The following ZBTB46 variants were observed in gnomAD, a reference collection of about 807,000 sequenced individuals.
The protein encoded by ZBTB46 is zinc finger and BTB domain containing 46.
ZBTB46 carries 8 observed loss-of-function variants against 44.1 expected under a neutral mutation model. The observed-to-expected ratio is 0.18, with a 90% CI of 0.11 to 0.33. The LOEUF is 0.33. ZBTB46 is among the 10% of genes least tolerant of loss of function. ZBTB46 has a pLI of 1.00. For missense variants in ZBTB46, 651 were observed against 847.7 expected (o/e 0.77, Z 2.88); for synonymous variants, 409 against 382.3 (o/e 1.07, Z -0.81).
chr20:63,744,155 G>A lies in ZBTB46; in HGVS notation c.*2775C>T, dbSNP rs41304832. 0.013 allele frequency: 2,033 copies of A among 152,220 alleles called. 44 individuals carry two copies. Among genetic ancestry groups the A allele is most frequent in the South Asian group, 0.089 (428 of 4,810 alleles). The allele number at this position is 152,220 out of a possible 1,614,324, so 9.4% of individuals were successfully genotyped here. ...ATTAAGTATGGCTTTCTTAAGAGTC[G>A]CACATGTCACAGAATGAGCTAAAAT... On this transcript the variant is annotated 3_prime_UTR_variant, in exon 5 of 5. Transcript: ENST00000245663.
rs774387575 is a variant in ZBTB46 at position 63,803,937 on chromosome 20, G to A, written c.-33-13147C>T. On this transcript the variant is annotated intron_variant, in intron 1 of 4. Coordinates refer to ENST00000245663, the MANE Select transcript of ZBTB46 (RefSeq NM_001369741.1). This position sits in a 1 kb window ranked among gnomAD's most constrained non-coding sequence, Gnocchi z 4.0. ...CCAGGTTGGTCTTGAATTCCTAAAC[G>A]AACCTGCCGCCCTGGCTTCTCAAAG... Among the ~76,000 whole-genome samples the A allele has an allele frequency of 2.0e-5, 3 of 152,076 alleles. No individual in the cohort carries two copies. Among genetic ancestry groups the A allele is most frequent in the African/African-American group, 4.8e-5 (2 of 41,402 alleles).
At chr20:63,778,750 T>G (rs1219236848) in intron 2 of ZBTB46, among the ~76,000 whole-genome samples, 1 of 152,224 alleles carries the variant, frequency 6.6e-6, no homozygotes, top group East Asian at 1.9e-4. Flanking sequence ...TTTATATTTT[T>G]TTACAAATCC....
In ZBTB46 at chr20:63,745,831, A is replaced by T. The variant is rs1170392066; in HGVS notation, c.*1099T>A. On this transcript the variant is annotated 3_prime_UTR_variant, in exon 5 of 5. Transcript: ENST00000245663. Reference sequence around the variant, plus strand: ...CTTTGCTTTTCACTCAGGAAAAGAAAGAACATGTGAGTGCTTCTGAAAACA... The same window carrying T: ...CTTTGCTTTTCACTCAGGAAAAGAATGAACATGTGAGTGCTTCTGAAAACA... 6.6e-6 allele frequency: 1 copy of T among 152,432 alleles called. No homozygotes were observed. Among genetic ancestry groups the T allele is most frequent in the African/African-American group, 2.4e-5 (1 of 41,472 alleles). The allele number at this position is 152,432 out of a possible 1,614,324, so 9.4% of individuals were successfully genotyped here.
At chr20:63,801,581 G>A (rs1056240333) in intron 1 of ZBTB46, among the ~76,000 whole-genome samples, 4 of 152,130 alleles carry the variant, frequency 2.6e-5, no homozygotes, top group African/African-American at 7.2e-5. Context: ...TCTTGCTGCT[G>A]CTCACTCTTT....
chr20:63,810,879 C>T (rs574827064), intron 1 of ZBTB46, among the ~76,000 whole-genome samples: 3 of 152,372 alleles, frequency 2.0e-5, no homozygotes, highest in African/African-American at 4.8e-5. Flanking sequence ...GAGCAATCTA[C>T]GTTTCTCTTT....
intron 2 of ZBTB46, 93 bp from the exon 3 acceptor site, chr20:63,776,055 T>TTC: frequency 7.0e-7 from 1 of 1,429,246 alleles, no homozygotes; most frequent in South Asian, 1.5e-5. Flanking sequence ...AGCGACCAGC[T>TTC]TCTGCCTGAG....
At chr20:63,779,231 TAA>T (rs1230154849) in intron 2 of ZBTB46, among the ~76,000 whole-genome samples, 39 of 32,278 alleles carry the variant, frequency 1.2e-3, no homozygotes, top group Middle Eastern at 0.013. Flanking sequence ...TTTATTTAAT[TAA>T]TTAATTAATT....
rs1275215319 is a variant in ZBTB46, at chr20:63,775,488, AG to A, written c.1222+189del. 9 of 673,982 alleles carry A rather than the reference AG, an allele frequency of 1.3e-5. No individual in the cohort carries two copies. The East Asian group carries it at 1.8e-4, about 14-fold the overall frequency. The allele number at this position is 673,982 out of a possible 1,614,324, so 41.8% of individuals were successfully genotyped here. On this transcript the variant is annotated intron_variant, in intron 3 of 4. Coordinates refer to ENST00000245663, the MANE Select transcript of ZBTB46 (RefSeq NM_001369741.1). Reference sequence around the variant, plus strand: ...TCCATTCCCTCCTCACTCTAAAGCCAGCCCCCCGTGCACCTGAGAGGCCAGT... The same window carrying A: ...TCCATTCCCTCCTCACTCTAAAGCCACCCCCCGTGCACCTGAGAGGCCAGT...
At chr20:63,830,742 G>A (rs2092845635) in intron 1 of ZBTB46, among the ~76,000 whole-genome samples, 1 of 147,308 alleles carries the variant, frequency 6.8e-6, no homozygotes, top group Admixed American at 6.7e-5. Context: ...AGGGAGCGCG[G>A]CGGCGGCGGG....
chr20:63,775,074 C>T (rs1385208891), intron 3 of ZBTB46, among the ~76,000 whole-genome samples: 1 of 152,190 alleles, frequency 6.6e-6, no homozygotes, highest in Non-Finnish European at 1.5e-5. Flanking sequence ...TGGGGTGAGC[C>T]CGACACGCAG....
chr20:63,766,406 C>T (rs1429180010), intron 3 of ZBTB46, among the ~76,000 whole-genome samples: 2 of 151,670 alleles, frequency 1.3e-5, no homozygotes, highest in Admixed American at 6.6e-5. Context: ...AGTAGAGATA[C>T]GATTTCGCCA....
chr20:63,826,557 CT>C (rs2092820399), intron 1 of ZBTB46, among the ~76,000 whole-genome samples: 1 of 137,716 alleles, frequency 7.3e-6, no homozygotes, highest in Non-Finnish European at 1.5e-5. Context: ...CCCATCTCTA[CT>C]TAAAAAAAAA....
chr20:63,781,441 T>C (rs1165952414), intron 2 of ZBTB46, among the ~76,000 whole-genome samples: 1 of 151,998 alleles, frequency 6.6e-6, no homozygotes, highest in Admixed American at 6.6e-5. Flanking sequence ...GGACAGACAC[T>C]TTACCAAAAA....
At chr20:63,830,158 C>G (rs918406313) in intron 1 of ZBTB46, among the ~76,000 whole-genome samples, 4 of 152,214 alleles carry the variant, frequency 2.6e-5, no homozygotes, top group Non-Finnish European at 5.9e-5. Context: ...TACCCTGGCT[C>G]CTCGGTCCAG....
intron 2 of ZBTB46, among the ~76,000 whole-genome samples, chr20:63,778,923 G>C (rs1193378195): frequency 6.6e-6 from 1 of 152,188 alleles, no homozygotes; most frequent in Non-Finnish European, 1.5e-5. Context: ...CTGGAGACTG[G>C]GAAGTCCAAG....
Position 63,829,951 on chromosome 20 carries a change from G to A in ZBTB46, c.-34+1146C>T, listed in dbSNP as rs562215174. Reference sequence around the variant, plus strand: ...GCGCACAGGTGTCTGCGCCCAGGCCGCGCGCTAAACACGTTTCTAATTAGC... The same window carrying A: ...GCGCACAGGTGTCTGCGCCCAGGCCACGCGCTAAACACGTTTCTAATTAGC... On this transcript the variant is annotated intron_variant, in intron 1 of 4. Transcript: ENST00000245663. Among the ~76,000 whole-genome samples the A allele has an allele frequency of 4.6e-5, 7 of 152,296 alleles. No homozygotes were observed. In the South Asian group the frequency reaches 8.3e-4, roughly 18 times the overall value.
intron 2 of ZBTB46, among the ~76,000 whole-genome samples, chr20:63,783,385 C>T (rs552780296): frequency 3.3e-5 from 5 of 152,186 alleles, no homozygotes; most frequent in East Asian, 1.9e-4. Context: ...GCCGAGATCG[C>T]GCCATTGCAC....
At chr20:63,799,009 ACTGCTCT>A (rs2092624279) in intron 1 of ZBTB46, among the ~76,000 whole-genome samples, 1 of 151,926 alleles carries the variant, frequency 6.6e-6, no homozygotes, top group Non-Finnish European at 1.5e-5. Context: ...TACTCTAAGA[ACTGCTCT>A]CCACAATTAT....
upstream of ZBTB46, among the ~76,000 whole-genome samples, chr20:63,832,945 G>C (rs1453733244): frequency 6.6e-6 from 1 of 152,104 alleles, no homozygotes; most frequent in Admixed American, 6.5e-5. The surrounding 1 kb of genome is among the most constrained non-coding windows in gnomAD (Gnocchi z 5.0). Context: ...AGGAAAGGAG[G>C]CCTGGGGAGA....
Sources: allele counts gnomAD v4.1 joint callset (sites outside exome capture counted in the v4.1 genomes callset), GRCh38; gene constraint gnomAD v4.1.1; non-coding constraint Gnocchi (gnomAD v3.1); transcripts MANE v1.5; gene names NCBI Gene and HGNC (gene_info 2026-07-23, HGNC 2026-07-21).